Variants in WDR93 observed in about 807,000 individuals in gnomAD.
The protein encoded by WDR93 is WD repeat domain 93.
Under a neutral mutation model 82.9 loss-of-function variants are expected in WDR93, and 73 were observed. The ratio of observed to expected loss-of-function variants is 0.88; its 90% CI spans 0.73 to 1.07. The LOEUF (loss-of-function observed/expected upper bound fraction) is 1.07. Ranked by LOEUF, WDR93 falls within the 50% of genes least tolerant of loss-of-function variation. The pLI is 0.00. For missense variants in WDR93, 738 were observed against 826.0 expected, an observed-to-expected ratio of 0.89 and a Z score of 1.31; for synonymous variants, 283 against 300.1, an observed-to-expected ratio of 0.94 and a Z score of 0.59.
At chr15:89,726,976 G>A (rs2141677107) in intron 8 of WDR93, among the ~76,000 whole-genome samples, 181 bp from the exon 9 acceptor site, 1 of 152,332 alleles carries the variant, frequency 6.6e-6, no homozygotes, top group Admixed American at 6.5e-5. Context: ...CCTGGGCTCT[G>A]TGAGCTGGTG....
Position 89,743,537 on chromosome 15 carries a change from G to T in WDR93, c.*146G>T. 1 of 704,522 alleles carries T rather than the reference G, an allele frequency of 1.4e-6. No individual in the cohort carries two copies. The allele number at this position is 704,522 out of a possible 1,614,324, so 43.6% of individuals were successfully genotyped here. A position where few individuals can be genotyped will look rare whatever the true frequency, so the allele number is the denominator to read the frequency against. ...CTGGGGCCTCTGCAGAGCCAGCAAG[G>T]GGAAAAGTATAATCTGGGGGACCTT... On this transcript the variant is annotated 3_prime_UTR_variant, in exon 17 of 17. Coordinates refer to ENST00000268130, the MANE Select transcript of WDR93 (RefSeq NM_020212.2).
chr15:89,702,683 G>A (rs2141599390), intron 2 of WDR93, among the ~76,000 whole-genome samples: 1 of 152,012 alleles, frequency 6.6e-6, no homozygotes, highest in South Asian at 2.1e-4. Context: ...GGATTACAGG[G>A]ATATGCCACC....
chr15:89,693,052 A>T (rs899236148), intron 1 of WDR93, among the ~76,000 whole-genome samples: 1 of 152,198 alleles, frequency 6.6e-6, no homozygotes, highest in Non-Finnish European at 1.5e-5. Flanking sequence ...GCACATCAGT[A>T]GTTTGTAATT....
In WDR93 at chr15:89,715,119, C is replaced by G. The variant is rs1482631562; in HGVS notation, c.756+24C>G. ...TGGTAGGAAATATCTCTGCTTTCAG[C>G]TGATATGTTTCTCCCTACCCCTGAC... On this transcript the variant is annotated intron_variant, in intron 6 of 16. Transcript: ENST00000268130. The G allele has an allele frequency of 2.5e-6, 4 of 1,602,076 alleles. No homozygotes were observed. In the African/African-American group the frequency reaches 5.4e-5, roughly 21 times the overall value.
chr15:89,711,843 C>A (rs546588629), intron 4 of WDR93, among the ~76,000 whole-genome samples, 183 bp from the exon 5 acceptor site: 33 of 152,324 alleles, frequency 2.2e-4, no homozygotes, highest in South Asian at 2.1e-4. Flanking sequence ...AGTTCTACTT[C>A]TTTACATATC....
At position 89,703,404 on chromosome 15, in the gene WDR93, T is replaced by C. The variant is rs1965570060; in HGVS notation, c.496+262T>C. The C allele has an allele frequency of 7.9e-6, 4 of 503,398 alleles. No individual in the cohort carries two copies. In the Admixed American group the frequency reaches 1.0e-4, roughly 13 times the overall value. 31.2% of individuals were successfully genotyped at this position (503,398 alleles called of 1,614,324 possible). A position where few individuals can be genotyped will look rare whatever the true frequency, so the allele number is the denominator to read the frequency against. ...CTGTTCAGAAGAGGCAACTGACTTATGGAAGCTAAATAACTTATTTGAGGT... is the reference window on the plus strand; with the variant it reads ...CTGTTCAGAAGAGGCAACTGACTTACGGAAGCTAAATAACTTATTTGAGGT... On this transcript the variant is annotated intron_variant, in intron 3 of 16. Transcript: ENST00000268130.
Position 89,727,178 on chromosome 15 carries a change from TG to T in WDR93, c.904del (p.Glu302LysfsTer40). The T allele has an allele frequency of 6.2e-7, 1 of 1,613,856 alleles. No individual in the cohort carries two copies. Among genetic ancestry groups the T allele is most frequent in the Non-Finnish European group, 8.5e-7 (1 of 1,179,832 alleles). ...CTAGGCACCACATTCAAAAGCCCCC[TG>T]GAAGTCTTTGCAAAGATCAAGGACT... ...PVTGTTFKSPLEVFAKIKDCY... is the reference protein window; with the variant it reads ...PVTGTTFKSPXEVFAKIKDCY... On this transcript the variant is annotated frameshift_variant, in exon 9 of 17. Transcript: ENST00000268130. LOFTEE classifies it high-confidence loss of function.
intron 4 of WDR93, among the ~76,000 whole-genome samples, chr15:89,709,690 A>G (rs1287388156): frequency 2.0e-5 from 3 of 152,074 alleles, no homozygotes; most frequent in Non-Finnish European, 4.4e-5. Context: ...GGACCCAAGC[A>G]GTCTTCCCAC....
At chr15:89,713,790 A>T (rs12917623) in intron 5 of WDR93, among the ~76,000 whole-genome samples, 60,109 of 151,978 alleles carry the variant, frequency 0.4, 12,332 homozygotes, top group Non-Finnish European at 0.44. Flanking sequence ...TGCATTGTAT[A>T]ATGCTTTGTG....
chr15:89,692,569 T>A (rs531877228), intron 1 of WDR93, among the ~76,000 whole-genome samples: 1 of 152,286 alleles, frequency 6.6e-6, no homozygotes, highest in African/African-American at 2.4e-5. Context: ...ATGATAGAGG[T>A]GAGCACAGGG....
intron 13 of WDR93, among the ~76,000 whole-genome samples, chr15:89,734,477 A>G (rs1966997892): frequency 6.6e-6 from 1 of 152,178 alleles, no homozygotes; most frequent in Admixed American, 6.6e-5. Flanking sequence ...GGAGAGGGCA[A>G]CCATAGCACA....
At chr15:89,729,143 G>A in intron 10 of WDR93, 50 bp downstream of exon 10, 1 of 1,536,952 alleles carries the variant, frequency 6.5e-7, no homozygotes. Flanking sequence ...TCACCTTGGG[G>A]AAACCCCTCA....
intron 1 of WDR93, among the ~76,000 whole-genome samples, chr15:89,700,222 TC>T (rs1275396109): frequency 6.6e-6 from 1 of 152,200 alleles, no homozygotes; most frequent in Non-Finnish European, 1.5e-5. Flanking sequence ...TATGAGGCTT[TC>T]CAGTCTTGCT....
chr15:89,737,279 G>A (rs1967277731), intron 14 of WDR93, among the ~76,000 whole-genome samples: 1 of 152,204 alleles, frequency 6.6e-6, no homozygotes, highest in South Asian at 2.1e-4. Context: ...CTACATGGAG[G>A]GTGAGCTCTT....
chr15:89,715,115 T>G lies in WDR93; in HGVS notation c.756+20T>G. 6.2e-7 allele frequency: 1 copy of G among 1,604,486 alleles called. No individual in the cohort carries two copies. The highest frequency in any genetic ancestry group is 8.5e-7 in the Non-Finnish European group (1 of 1,174,246). The stretch of plus-strand genomic sequence containing the variant: ...CAACTGGTAGGAAATATCTCTGCTT[T>G]CAGCTGATATGTTTCTCCCTACCCC... On this transcript the variant is annotated intron_variant, in intron 6 of 16. Coordinates refer to ENST00000268130, the MANE Select transcript of WDR93 (RefSeq NM_020212.2).
At chr15:89,714,524 C>T (rs1051247253) in intron 5 of WDR93, among the ~76,000 whole-genome samples, 8 of 151,970 alleles carry the variant, frequency 5.3e-5, no homozygotes, top group African/African-American at 1.2e-4. Flanking sequence ...TGGGGTTTCA[C>T]CATGTTGGCC....
At chr15:89,726,666 C>T (rs1966749356) in intron 8 of WDR93, among the ~76,000 whole-genome samples, 1 of 152,140 alleles carries the variant, frequency 6.6e-6, no homozygotes, top group South Asian at 2.1e-4. Flanking sequence ...AAGTGACTGA[C>T]AGAGAAAGAT....
chr15:89,741,058 T>C (rs1398600366), intron 16 of WDR93, among the ~76,000 whole-genome samples: 8 of 152,060 alleles, frequency 5.3e-5, no homozygotes, highest in African/African-American at 1.9e-4. Flanking sequence ...GAGAATTGCT[T>C]GAACTCAGGA....
At chr15:89,706,778 C>T (rs1449352890) in intron 4 of WDR93, among the ~76,000 whole-genome samples, 1 of 152,066 alleles carries the variant, frequency 6.6e-6, no homozygotes, top group African/African-American at 2.4e-5. Flanking sequence ...GACTTCATTC[C>T]TCACACCATA....
Sources: gnomAD v4.1 joint callset for allele counts (sites outside exome capture counted in the v4.1 genomes callset) on GRCh38, gnomAD v4.1.1 for gene constraint, MANE v1.5 for transcripts, NCBI Gene and HGNC (gene_info 2026-07-23, HGNC 2026-07-21) for gene names.